REDIC1: variants seen among roughly 807,000 people sequenced by gnomAD.
REDIC1 encodes regulator of DNA class I crossover intermediates 1.
chr12:39,832,789 C>T, the REDIC1 span, among the ~76,000 whole-genome samples: 1 of 152,082 alleles, frequency 6.6e-6, no homozygotes, highest in Non-Finnish European at 1.5e-5. Flanking sequence ...TTTCCCTTCT[C>T]CTCTATCATT....
At chr12:39,871,756 G>T in the REDIC1 span, 1 of 1,533,958 alleles carries the variant, frequency 6.5e-7, no homozygotes, top group Non-Finnish European at 8.8e-7. Flanking sequence ...GAAGTTATTA[G>T]GAAATAAAGT....
chr12:39,705,019 A>G, the REDIC1 span, among the ~76,000 whole-genome samples: 2 of 152,146 alleles, frequency 1.3e-5, no homozygotes, highest in Non-Finnish European at 2.9e-5. Context: ...ACATGTATAC[A>G]TATGTAACTA....
the REDIC1 span, among the ~76,000 whole-genome samples, chr12:39,713,211 ATG>A: frequency 6.8e-6 from 1 of 147,760 alleles, no homozygotes; most frequent in East Asian, 2.0e-4. Flanking sequence ...ATATTCATAT[ATG>A]TTTATATTAC....
the REDIC1 span, among the ~76,000 whole-genome samples, chr12:39,725,684 G>A: frequency 6.6e-6 from 1 of 151,610 alleles, no homozygotes; most frequent in East Asian, 1.9e-4. Flanking sequence ...TTAAAATCAG[G>A]ACACATAGAT....
chr12:39,899,545 C>G, the REDIC1 span, among the ~76,000 whole-genome samples: 3 of 152,058 alleles, frequency 2.0e-5, no homozygotes, highest in African/African-American at 4.8e-5. Flanking sequence ...TTTGCTCTTG[C>G]TTTTCTAGTT....
the REDIC1 span, among the ~76,000 whole-genome samples, chr12:39,730,213 G>A: frequency 6.6e-6 from 1 of 152,108 alleles, no homozygotes; most frequent in Non-Finnish European, 1.5e-5. Flanking sequence ...GATGTCAGCT[G>A]GTTATTTTGC....
At chr12:39,697,973 A>G in the REDIC1 span, among the ~76,000 whole-genome samples, 2 of 152,192 alleles carry the variant, frequency 1.3e-5, no homozygotes, top group African/African-American at 2.4e-5. Flanking sequence ...GGCTGAATGG[A>G]TAAAAAATAA....
chr12:39,878,441 G>A, the REDIC1 span, among the ~76,000 whole-genome samples: 1 of 152,198 alleles, frequency 6.6e-6, no homozygotes, highest in Non-Finnish European at 1.5e-5. Flanking sequence ...AGGTAGAAAT[G>A]AGGAACTTAT....
At chr12:39,735,456 T>C in the REDIC1 span, among the ~76,000 whole-genome samples, 2 of 152,208 alleles carry the variant, frequency 1.3e-5, no homozygotes, top group Admixed American at 6.5e-5. Context: ...ATGTTGATGA[T>C]GACACCTGGT....
chr12:39,767,398 G>C, the REDIC1 span, among the ~76,000 whole-genome samples: 3 of 151,156 alleles, frequency 2.0e-5, no homozygotes, highest in Non-Finnish European at 4.4e-5. Flanking sequence ...AGGTTTTTTT[G>C]TTTCGTTTTA....
chr12:39,809,093 A>G, the REDIC1 span, among the ~76,000 whole-genome samples: 3 of 152,130 alleles, frequency 2.0e-5, no homozygotes, highest in Non-Finnish European at 4.4e-5. Flanking sequence ...TTTAGGGTGT[A>G]AGAGTTGAGG....
chr12:39,627,163 C>A, the REDIC1 span, among the ~76,000 whole-genome samples: 1 of 152,142 alleles, frequency 6.6e-6, no homozygotes, highest in Non-Finnish European at 1.5e-5. Flanking sequence ...AAGAATTTAT[C>A]GGAGGAAAGA....
At chr12:39,753,732 T>C in the REDIC1 span, among the ~76,000 whole-genome samples, 1 of 152,180 alleles carries the variant, frequency 6.6e-6, no homozygotes, top group Admixed American at 6.6e-5. Flanking sequence ...AAACAAAAGC[T>C]AACAGTTATC....
At chr12:39,667,460 A>C in the REDIC1 span, among the ~76,000 whole-genome samples, 70 of 152,196 alleles carry the variant, frequency 4.6e-4, no homozygotes, top group Middle Eastern at 0.01. Flanking sequence ...GTTCTTTTAC[A>C]TTTGCTGAGG....
At chr12:39,772,492 T>A in the REDIC1 span, among the ~76,000 whole-genome samples, 3 of 152,224 alleles carry the variant, frequency 2.0e-5, no homozygotes, top group East Asian at 5.8e-4. Context: ...AGCTTTTACA[T>A]TTGCATTTGT....
chr12:39,870,898 T>G, the REDIC1 span, among the ~76,000 whole-genome samples: 1 of 152,206 alleles, frequency 6.6e-6, no homozygotes, highest in Non-Finnish European at 1.5e-5. Context: ...AAATATGGGA[T>G]GAGTGACTGA....
chr12:39,670,671 G>A, the REDIC1 span, among the ~76,000 whole-genome samples: 1 of 151,184 alleles, frequency 6.6e-6, no homozygotes, highest in Non-Finnish European at 1.5e-5. Flanking sequence ...TTCACCTTTC[G>A]GGATACTCAA....
At chr12:39,713,301 C>CATATACGTGTATATATGTGTAT in the REDIC1 span, among the ~76,000 whole-genome samples, 1 of 17,210 alleles carries the variant, frequency 5.8e-5, no homozygotes, top group African/African-American at 9.9e-5. Flanking sequence ...TATGTGTACA[C>CATATACGTGTATATATGTGTAT]ACACATACGT....
At chr12:39,713,904 CGTATGT>C in the REDIC1 span, among the ~76,000 whole-genome samples, 1 of 146,726 alleles carries the variant, frequency 6.8e-6, no homozygotes, top group African/African-American at 2.5e-5. Context: ...TACGTATATA[CGTATGT>C]GTATATGTAT....
Sources: gnomAD v4.1 joint callset for allele counts (sites outside exome capture counted in the v4.1 genomes callset) on GRCh38, gnomAD v4.1.1 for gene constraint, MANE v1.5 for transcripts, NCBI Gene and HGNC (gene_info 2026-07-23, HGNC 2026-07-21) for gene names.